Variants in HPS5 observed in about 807,000 individuals in gnomAD.
HPS5 encodes HPS5 biogenesis of lysosomal organelles complex 2 subunit 2, also known as BLOC-2 complex member HPS5.
Under a neutral mutation model 128.0 loss-of-function variants are expected in HPS5, and 83 were observed. The observed-to-expected ratio is 0.65, with a 90% CI of 0.54 to 0.78. The LOEUF is 0.78. Ranked by LOEUF, HPS5 falls within the 30% of genes least tolerant of loss-of-function variation. The pLI, the probability that HPS5 is intolerant of heterozygous loss-of-function variation, is 0.00. For synonymous variants in HPS5, 475 were observed against 470.2 expected (o/e 1.01, Z -0.13); for missense variants, 1,281 against 1,326.2 (o/e 0.97, Z 0.53).
rs897341736 is a variant in HPS5, at chr11:18,306,246, C to T, written c.713G>A (p.Cys238Tyr). The change falls in exon 7 of 23, where the codon TGT becomes TAT. Residue 238 changes from cysteine to tyrosine, a missense_variant. By Grantham distance (194) the Cys-to-Tyr change is radical. Coordinates refer to ENST00000349215, the MANE Select transcript of HPS5 (RefSeq NM_181507.2). Reference sequence around the variant, plus strand: ...CCACATCCTAGAGCCTGGGCGAGCACAATATATCAGAGGTTGCTGGCCCCC... The same window carrying T: ...CCACATCCTAGAGCCTGGGCGAGCATAATATATCAGAGGTTGCTGGCCCCC... ...CSGGQQPLIY[C>Y]ARPGSRMWEV... 6.2e-7 allele frequency: 1 copy of T among 1,613,706 alleles called. No individual in the cohort carries two copies. Among genetic ancestry groups the T allele is most frequent in the African/African-American group, 1.3e-5 (1 of 74,884 alleles).
intron 2 of HPS5, among the ~76,000 whole-genome samples, chr11:18,313,555 G>A (rs1276669567): frequency 6.6e-6 from 1 of 152,174 alleles, no homozygotes; most frequent in Non-Finnish European, 1.5e-5. Context: ...ATTTTGGGAG[G>A]TCAGGATGTC....
intron 2 of HPS5, among the ~76,000 whole-genome samples, chr11:18,315,646 AAAAG>A (rs1172208714): frequency 6.6e-6 from 1 of 151,988 alleles, no homozygotes; most frequent in Admixed American, 6.6e-5. Context: ...GAAAGAAAGA[AAAAG>A]AAAGCTTCCT....
intron 6 of HPS5, 108 bp downstream of exon 6, chr11:18,308,838 G>GAAAAA (rs35952141): frequency 1.8e-6 from 2 of 1,094,734 alleles, no homozygotes; most frequent in African/African-American, 3.2e-5. Flanking sequence ...AAAAGAAAAA[G>GAAAAA]AAAAAAAATC....
rs78756618 is a variant in HPS5 at position 18,316,865 on chromosome 11, G to A, written c.108+886C>T. ...TGCATTTTATCACTACTTGGTGTCA[G>A]TTAGTCTAGTGCCCACATAGCAAGT... On this transcript the variant is annotated intron_variant, in intron 2 of 22. Coordinates refer to ENST00000349215, the MANE Select transcript of HPS5 (RefSeq NM_181507.2). Among the ~76,000 whole-genome samples, 363 of 152,308 alleles carry A rather than the reference G, an allele frequency of 2.4e-3. 3 individuals are homozygous for A. Among genetic ancestry groups the A allele is most frequent in the African/African-American group, 8.2e-3 (341 of 41,572 alleles).
At chr11:18,309,512 GATAA>G (rs1317472407) in intron 5 of HPS5, among the ~76,000 whole-genome samples, 2 of 151,514 alleles carry the variant, frequency 1.3e-5, no homozygotes, top group South Asian at 2.1e-4. Flanking sequence ...CCTGTCTCTA[GATAA>G]ATAAAGTTTT....
rs774619545 is a variant in HPS5, at chr11:18,298,880, C to A, written c.1076G>T (p.Arg359Leu). Residue 359 changes from arginine to leucine, a missense_variant, in exon 10 of 23, where the codon CGC becomes CTC. Physicochemically the swap from Arg to Leu is moderately radical, Grantham distance 102. Coordinates refer to ENST00000349215, the MANE Select transcript of HPS5 (RefSeq NM_181507.2). ...TCTTCTTAGCAGGCGTTCCACACAG[C>A]GCTCCACAGATATCAGGGAGAGATG... is the stretch of plus-strand genomic sequence containing the variant. ...VSHLSLISVE[R>L]CVERLLRRGL... 1.2e-6 allele frequency: 2 copies of A among 1,614,028 alleles called. No homozygotes were observed. The highest frequency in any genetic ancestry group is 2.7e-5 in the African/African-American group (2 of 74,932).
chr11:18,320,614 G>A (rs1053806665), intron 1 of HPS5, among the ~76,000 whole-genome samples: 8 of 152,196 alleles, frequency 5.3e-5, no homozygotes, highest in African/African-American at 1.9e-4. Context: ...GCATTATCAG[G>A]TCTTCTAAAA....
chr11:18,293,672 T>C (rs1433735518), intron 14 of HPS5, among the ~76,000 whole-genome samples: 4 of 152,076 alleles, frequency 2.6e-5, no homozygotes, highest in Non-Finnish European at 5.9e-5. Context: ...CATTGTGATA[T>C]GAAAGCAGAG....
At chr11:18,313,635 G>A (rs1253754523) in intron 2 of HPS5, among the ~76,000 whole-genome samples, 1 of 152,164 alleles carries the variant, frequency 6.6e-6, no homozygotes, top group African/African-American at 2.4e-5. Flanking sequence ...AGAAATCCAG[G>A]CCAGGCGCAG....
chr11:18,294,402 C>T (rs1860807675), intron 14 of HPS5, among the ~76,000 whole-genome samples: 1 of 152,006 alleles, frequency 6.6e-6, no homozygotes, highest in Non-Finnish European at 1.5e-5. Context: ...CATTTTGGAT[C>T]TTACAGGCCA....
chr11:18,306,373 C>T, intron 6 of HPS5, 26 bp from the exon 7 acceptor site: 1 of 1,553,534 alleles, frequency 6.4e-7, no homozygotes, highest in Non-Finnish European at 8.9e-7. Flanking sequence ...GAAGAGAAAG[C>T]AGATTTACTT....
chr11:18,308,944 A>G lies in HPS5; in HGVS notation c.611+2T>C. On this transcript the variant is annotated splice_donor_variant, in intron 6 of 22. Transcript: ENST00000349215. LOFTEE classifies it high-confidence loss of function. ...CTGATGACTAATGGTTGGTCAATAT[A>G]CCTCTCAGTGTCACACAAGAAGGAT... 1.2e-6 allele frequency: 2 copies of G among 1,614,042 alleles called. No individual in the cohort carries two copies. The highest frequency in any genetic ancestry group is 2.2e-5 in the South Asian group (2 of 91,076).
chr11:18,296,897 G>A lies in HPS5; in HGVS notation c.1411C>T (p.His471Tyr), dbSNP rs201582551. ...SQSDEDSCSL[H>Y]SQTLSEDERF... The stretch of plus-strand genomic sequence containing the variant: ...TCATCTTCTGAGAGGGTTTGGCTGT[G>A]AAGGGAGCAAGAGTCTTCATCTGAC... Residue 471 changes from histidine to tyrosine, a missense_variant, in exon 12 of 23, where the codon CAC (histidine) becomes TAC (tyrosine). His to Tyr is a moderately conservative substitution (Grantham distance 83). Transcript: ENST00000349215. 205 of 1,612,742 alleles carry A rather than the reference G, an allele frequency of 1.3e-4. 2 individuals carry two copies. The African/African-American group carries it at 1.7e-3, about 14-fold the overall frequency.
At position 18,279,852 on chromosome 11, in the gene HPS5, T is replaced by C; in HGVS notation, c.*30A>G. 3 of 1,604,784 alleles carry C rather than the reference T, an allele frequency of 1.9e-6. No individual in the cohort carries two copies. Among genetic ancestry groups the C allele is most frequent in the Non-Finnish European group, 2.6e-6 (3 of 1,171,492 alleles). ...GAGCATGATTTAGTTTTTCTCAAAA[T>C]GTCATGACATCCTGCTGAATCTTCT... On this transcript the variant is annotated 3_prime_UTR_variant, in exon 23 of 23. Coordinates refer to ENST00000349215, the MANE Select transcript of HPS5 (RefSeq NM_181507.2).
At chr11:18,287,789 A>G in intron 17 of HPS5, 99 bp from the exon 18 acceptor site, 1 of 1,583,310 alleles carries the variant, frequency 6.3e-7, no homozygotes, top group East Asian at 2.3e-5. Context: ...TAAATATACT[A>G]ACAGAAGCTG....
chr11:18,317,998 A>C, intron 1 of HPS5, 91 bp from the exon 2 acceptor site: 2 of 937,468 alleles, frequency 2.1e-6, no homozygotes, highest in South Asian at 3.0e-5. Flanking sequence ...GAGAAACATG[A>C]GAAAGTCCCC....
intron 20 of HPS5, 106 bp downstream of exon 20, chr11:18,285,240 G>T: frequency 1.6e-6 from 1 of 636,240 alleles, no homozygotes. Flanking sequence ...AAATAGCAAA[G>T]AGAATCCCCA....
At chr11:18,300,182 T>C (rs979744583) in intron 9 of HPS5, among the ~76,000 whole-genome samples, 1 of 152,176 alleles carries the variant, frequency 6.6e-6, no homozygotes, top group Non-Finnish European at 1.5e-5. Flanking sequence ...CTAACCACCC[T>C]GATCTGATCA....
intron 4 of HPS5, 152 bp downstream of exon 4, chr11:18,311,235 G>A: frequency 1.5e-6 from 1 of 666,942 alleles, no homozygotes. Flanking sequence ...CTGGTTTGCT[G>A]GGTACTGAGA....
Sources: allele counts gnomAD v4.1 joint callset (sites outside exome capture counted in the v4.1 genomes callset), GRCh38; gene constraint gnomAD v4.1.1; transcripts MANE v1.5; gene names NCBI Gene and HGNC (gene_info 2026-07-23, HGNC 2026-07-21).